Variants in FRMD3 observed in about 807,000 individuals in gnomAD.
FRMD3 encodes the protein FERM domain-containing protein 3.
A neutral mutation model predicts 70.2 loss-of-function variants in FRMD3; 33 were observed. That is an observed-to-expected ratio of 0.47 (90% CI 0.36 to 0.63). FRMD3 has a LOEUF of 0.63. Among genes scored for constraint, FRMD3 ranks in the 20% least tolerant of loss-of-function variants. FRMD3 has a pLI of 0.00. For synonymous variants in FRMD3, 279 were observed against 255.9 expected, an observed-to-expected ratio of 1.09 and a Z score of -0.86; for missense variants, 632 against 711.4, an observed-to-expected ratio of 0.89 and a Z score of 1.27.
chr9:83,323,142 A>G (rs1436055386), intron 6 of FRMD3, among the ~76,000 whole-genome samples: 1 of 152,254 alleles, frequency 6.6e-6, no homozygotes, highest in Non-Finnish European at 1.5e-5. Context: ...AAAGTTGAAC[A>G]TGTTTACCCT....
intron 2 of FRMD3, among the ~76,000 whole-genome samples, chr9:83,378,781 A>G (rs1564047876): frequency 1.1e-5 from 1 of 93,240 alleles, no homozygotes; most frequent in East Asian, 2.8e-4. Flanking sequence ...TATAATATAT[A>G]TTATATATGT....
chr9:83,436,311 T>C (rs1304858576), intron 1 of FRMD3, among the ~76,000 whole-genome samples: 3 of 152,122 alleles, frequency 2.0e-5, no homozygotes, highest in Non-Finnish European at 4.4e-5. Flanking sequence ...CATAATTAAA[T>C]AAAGTCATTG....
At chr9:83,540,744 C>T (rs1829990926), upstream of FRMD3, among the ~76,000 whole-genome samples, 1 of 152,178 alleles carries the variant, frequency 6.6e-6, no homozygotes, top group Non-Finnish European at 1.5e-5. Context: ...AGTAGTGATG[C>T]ACTAAGTCCT....
intron 5 of FRMD3, among the ~76,000 whole-genome samples, chr9:83,339,025 G>A (rs1823669341): frequency 6.6e-6 from 1 of 152,148 alleles, no homozygotes; most frequent in Non-Finnish European, 1.5e-5. Context: ...CCACCAATAT[G>A]AAACTGGGTC....
intron 2 of FRMD3, among the ~76,000 whole-genome samples, chr9:83,373,716 G>T (rs1031760171): frequency 6.6e-6 from 1 of 152,140 alleles, no homozygotes; most frequent in Admixed American, 6.5e-5. Context: ...AAGCTGCTCA[G>T]GGAATGTCAC....
chr9:83,519,475 T>A (rs1028307380), intron 1 of FRMD3, among the ~76,000 whole-genome samples: 1 of 152,170 alleles, frequency 6.6e-6, no homozygotes, highest in African/African-American at 2.4e-5. Flanking sequence ...TGGTGATTAT[T>A]AAAAAGTCAT....
chr9:83,378,464 TAC>T (rs1825222242), intron 2 of FRMD3, among the ~76,000 whole-genome samples: 1 of 89,610 alleles, frequency 1.1e-5, no homozygotes, highest in South Asian at 2.8e-4. Context: ...ATATATAATA[TAC>T]ATATAAAATT....
chr9:83,247,401 A>C lies in FRMD3; in HGVS notation c.*517T>G. 1.0e-6 allele frequency: 1 copy of C among 973,224 alleles called. No individual in the cohort carries two copies. The allele number at this position is 973,224 out of a possible 1,614,324, so 60.3% of individuals were successfully genotyped here. A position where few individuals can be genotyped will look rare whatever the true frequency, so the allele number is the denominator to read the frequency against. ...GGAGGCTTCTTTTTTTTTTTTGCTA[A>C]AAATTTACCAAAATAGTTTGAACAC... On this transcript the variant is annotated 3_prime_UTR_variant, in exon 14 of 14. Coordinates refer to ENST00000304195, the MANE Select transcript of FRMD3 (RefSeq NM_174938.6).
intron 1 of FRMD3, among the ~76,000 whole-genome samples, chr9:83,482,131 A>G (rs765306844): frequency 1.1e-4 from 17 of 152,200 alleles, no homozygotes; most frequent in Non-Finnish European, 7.3e-5. Context: ...GTCCTCAGCC[A>G]TCACCAACAA....
intron 13 of FRMD3, among the ~76,000 whole-genome samples, chr9:83,251,706 G>A (rs1406635064): frequency 6.6e-6 from 1 of 152,142 alleles, no homozygotes; most frequent in Non-Finnish European, 1.5e-5. Flanking sequence ...CACAACACGA[G>A]AACTTCACAA....
rs1829938995 is a variant in FRMD3 at position 83,538,055 on chromosome 9, CCCCGCG to C, written c.147+24_147+29del. 2 of 1,607,328 alleles carry C rather than the reference CCCCGCG, an allele frequency of 1.2e-6. No homozygotes were observed. Among genetic ancestry groups the C allele is most frequent in the African/African-American group, 1.3e-5 (1 of 74,970 alleles). ...CCCCCCGCCCTGCTCCCGGCGTGTG[CCCCGCG>C]CCCTCGCCCGGTTCCACGCGCACCT... On this transcript the variant is annotated intron_variant, in intron 1 of 13. Coordinates refer to ENST00000304195, the MANE Select transcript of FRMD3 (RefSeq NM_174938.6). This position sits in a 1 kb window ranked among gnomAD's most constrained non-coding sequence, Gnocchi z 4.7.
intron 3 of FRMD3, among the ~76,000 whole-genome samples, chr9:83,356,055 G>C (rs1452045787): frequency 6.6e-6 from 1 of 152,074 alleles, no homozygotes; most frequent in Non-Finnish European, 1.5e-5. Flanking sequence ...CTGAGAACAT[G>C]GAGAGAGGTA....
chr9:83,296,920 C>T (rs1176448602), intron 12 of FRMD3, among the ~76,000 whole-genome samples: 2 of 152,140 alleles, frequency 1.3e-5, no homozygotes, highest in Non-Finnish European at 2.9e-5. Flanking sequence ...ATGTTAGAAA[C>T]ACAGACTCTC....
intron 1 of FRMD3, among the ~76,000 whole-genome samples, chr9:83,390,237 G>A (rs1825630383): frequency 6.6e-6 from 1 of 152,202 alleles, no homozygotes; most frequent in East Asian, 1.9e-4. Context: ...AGCAGGACAG[G>A]ATTTGAGCCA....
intron 12 of FRMD3, among the ~76,000 whole-genome samples, chr9:83,293,996 T>A (rs959645591): frequency 2.0e-5 from 3 of 152,136 alleles, no homozygotes; most frequent in Non-Finnish European, 4.4e-5. Flanking sequence ...GTCAGCAACA[T>A]TAAAAAACAA....
downstream of FRMD3, among the ~76,000 whole-genome samples, chr9:83,244,281 A>C (rs1287486336): frequency 6.6e-6 from 1 of 152,076 alleles, no homozygotes; most frequent in Non-Finnish European, 1.5e-5. Flanking sequence ...ATAACATATT[A>C]ATTTCTAGCA....
chr9:83,372,811 T>A, intron 3 of FRMD3, 102 bp downstream of exon 3: 1 of 1,057,204 alleles, frequency 9.5e-7, no homozygotes, highest in Non-Finnish European at 1.5e-6. Flanking sequence ...CCCCAACACC[T>A]CTTCAACTCT....
chr9:83,416,077 C>T (rs532732094), intron 1 of FRMD3, among the ~76,000 whole-genome samples: 1 of 152,268 alleles, frequency 6.6e-6, no homozygotes, highest in East Asian at 1.9e-4. Context: ...TTGGTCTGAA[C>T]AGCCTGTAAG....
At chr9:83,530,669 A>T (rs1255696100) in intron 1 of FRMD3, among the ~76,000 whole-genome samples, 1 of 152,256 alleles carries the variant, frequency 6.6e-6, no homozygotes. Context: ...TTATCCAAAA[A>T]GGCAAACAAT....
Sources: allele counts gnomAD v4.1 joint callset (sites outside exome capture counted in the v4.1 genomes callset), GRCh38; gene constraint gnomAD v4.1.1; non-coding constraint Gnocchi (gnomAD v3.1); transcripts MANE v1.5; gene names NCBI Gene and HGNC (gene_info 2026-07-23, HGNC 2026-07-21).